The following CCDC146 variants were observed in gnomAD, a reference collection of about 807,000 sequenced individuals.
The protein encoded by CCDC146 is coiled-coil domain containing 146, also known as coiled-coil domain-containing protein 146.
CCDC146 carries 92 observed loss-of-function variants against 119.3 expected under a neutral mutation model. The observed-to-expected ratio is 0.77, with a 90% CI of 0.65 to 0.92. The LOEUF (loss-of-function observed/expected upper bound fraction) is 0.92, where lower values mean the gene tolerates loss of function less well. CCDC146 is among the 40% of genes least tolerant of loss of function. CCDC146 has a pLI of 0.00. For synonymous variants in CCDC146, 372 were observed against 371.8 expected (o/e 1.00, Z -0.01); for missense variants, 1,000 against 1,103.0 (o/e 0.91, Z 1.32).
rs766589822 is a variant in CCDC146, at chr7:77,285,356, T to C, written c.2149-1442T>C. ...AATACAACAAATGCTTGATTACATA[T>C]GTATGTACACTTCAATTCTATATTA... On this transcript the variant is annotated intron_variant, in intron 15 of 18. Coordinates refer to ENST00000285871, the MANE Select transcript of CCDC146 (RefSeq NM_020879.3). 6.3e-4 allele frequency among the ~76,000 whole-genome samples: 96 copies of C among 152,364 alleles called. 1 individual carries two copies. Among genetic ancestry groups the C allele is most frequent in the East Asian group, 3.9e-4 (2 of 5,190 alleles).
intron 2 of CCDC146, 90 bp from the exon 3 acceptor site, chr7:77,236,857 A>G (rs2150482741): frequency 6.3e-6 from 6 of 954,794 alleles, no homozygotes; most frequent in Non-Finnish European, 9.9e-6. Context: ...TTAATGGAGG[A>G]TTTTATAAGA....
chr7:77,140,251 C>T (rs1026098569), intron 1 of CCDC146, among the ~76,000 whole-genome samples: 10 of 151,954 alleles, frequency 6.6e-5, no homozygotes, highest in Non-Finnish European at 1.5e-4. Flanking sequence ...ATCTTAAAGT[C>T]ACTTACAATA....
At chr7:77,195,506 T>G (rs1035323650) in intron 2 of CCDC146, 2 of 152,194 alleles carry the variant, frequency 1.3e-5, no homozygotes. Context: ...AGGGTTGTTC[T>G]GTTGCAAAGT....
intron 2 of CCDC146, among the ~76,000 whole-genome samples, chr7:77,187,704 G>A (rs1256327645): frequency 6.6e-6 from 1 of 152,180 alleles, no homozygotes; most frequent in East Asian, 1.9e-4. Context: ...AGAATACAGT[G>A]CACCAGGGAG....
At chr7:77,183,856 T>C (rs1791625092) in intron 2 of CCDC146, among the ~76,000 whole-genome samples, 1 of 152,256 alleles carries the variant, frequency 6.6e-6, no homozygotes, top group Non-Finnish European at 1.5e-5. Context: ...CTCACTGTTT[T>C]GCATATAGTT....
chr7:77,228,517 C>T (rs1416655603), intron 2 of CCDC146, among the ~76,000 whole-genome samples: 1 of 152,198 alleles, frequency 6.6e-6, no homozygotes. Context: ...GCATAGTGTT[C>T]CATGGTGTAT....
At position 77,272,455 on chromosome 7, in the gene CCDC146, T is replaced by C. The variant is rs756126333; in HGVS notation, c.1174-1239T>C. ...AGCAGCATGATCCTCAAAAAGATCCTGTTAAGTAACCTTCAAATCACTAGA... is the reference window on the plus strand; with the variant it reads ...AGCAGCATGATCCTCAAAAAGATCCCGTTAAGTAACCTTCAAATCACTAGA... On this transcript the variant is annotated intron_variant, in intron 9 of 18. Coordinates refer to ENST00000285871, the MANE Select transcript of CCDC146 (RefSeq NM_020879.3). Among the ~76,000 whole-genome samples, 8 of 152,354 alleles carry C rather than the reference T, an allele frequency of 5.3e-5. No individual in the cohort carries two copies. The East Asian group carries it at 1.3e-3, about 26-fold the overall frequency.
At chr7:77,274,809 A>G (rs1351563765) in intron 11 of CCDC146, among the ~76,000 whole-genome samples, 157 bp downstream of exon 11, 4 of 152,184 alleles carry the variant, frequency 2.6e-5, no homozygotes, top group Admixed American at 2.6e-4. Context: ...GTTCTCACTC[A>G]TAGATGGGAA....
At chr7:77,212,249 T>C (rs2150450149) in intron 2 of CCDC146, among the ~76,000 whole-genome samples, 1 of 152,252 alleles carries the variant, frequency 6.6e-6, no homozygotes, top group South Asian at 2.1e-4. Context: ...ATAAGTTCAA[T>C]ACATATTGAA....
At chr7:77,195,700 A>G (rs1031796957) in intron 2 of CCDC146, 4 of 152,232 alleles carry the variant, frequency 2.6e-5, no homozygotes, top group African/African-American at 9.7e-5. Context: ...TCTGTCACCC[A>G]TGCTGGAGTG....
chr7:77,201,004 A>G (rs1205389881), intron 2 of CCDC146, among the ~76,000 whole-genome samples: 4 of 152,146 alleles, frequency 2.6e-5, no homozygotes, highest in South Asian at 4.1e-4. Flanking sequence ...CTGATTTCCT[A>G]TGACTTTTCT....
chr7:77,216,237 G>C (rs1205208606), intron 2 of CCDC146, among the ~76,000 whole-genome samples: 1 of 151,972 alleles, frequency 6.6e-6, no homozygotes, highest in Non-Finnish European at 1.5e-5. Flanking sequence ...AGTGAAATTA[G>C]CTTCTTCCCC....
In CCDC146 at chr7:77,293,151, T is replaced by C. The variant is rs1456749290; in HGVS notation, c.2615T>C (p.Val872Ala). ...NKEIEKEWLK[V>A]LRDEEMHALA... ...GAAATTGAGAAAGAATGGTTGAAAGTCCTTCGAGATGAAGAAATGCACGCC... is the reference window on the plus strand; with the variant it reads ...GAAATTGAGAAAGAATGGTTGAAAGCCCTTCGAGATGAAGAAATGCACGCC... The change falls in exon 18 of 19, where the codon GTC (valine) becomes GCC (alanine). Residue 872 changes from valine (V) to alanine (A), a missense_variant. Val to Ala is a moderately conservative substitution (Grantham distance 64). Around this residue, in one of 2 missense-constraint regions of CCDC146, gnomAD observed 985 missense variants for 1,045.3 expected, o/e 0.94. Coordinates refer to ENST00000285871, the MANE Select transcript of CCDC146 (RefSeq NM_020879.3). 6.2e-7 allele frequency: 1 copy of C among 1,614,018 alleles called. No homozygotes were observed. Among genetic ancestry groups the C allele is most frequent in the Non-Finnish European group, 8.5e-7 (1 of 1,180,020 alleles).
rs543115246 is a variant in CCDC146 at position 77,293,391 on chromosome 7, C to T, written c.2664+191C>T. Among the ~76,000 whole-genome samples, 18 of 152,322 alleles carry T rather than the reference C, an allele frequency of 1.2e-4. No homozygotes were observed. In the South Asian group the frequency reaches 3.7e-3, roughly 32 times the overall value. On this transcript the variant is annotated intron_variant, in intron 18 of 18. Coordinates refer to ENST00000285871, the MANE Select transcript of CCDC146 (RefSeq NM_020879.3). ...CAGTAATCCAGAGTGCTACAATACT[C>T]ACTGAAGAACACTTAGCAAGCACAG...
At chr7:77,292,676 G>T (rs1793971736) in intron 17 of CCDC146, among the ~76,000 whole-genome samples, 1 of 151,042 alleles carries the variant, frequency 6.6e-6, no homozygotes, top group South Asian at 2.1e-4. Context: ...TTAAAAATGG[G>T]CACTAAACTG....
chr7:77,199,199 GT>G, intron 2 of CCDC146: 1 of 1,613,684 alleles, frequency 6.2e-7, no homozygotes. Flanking sequence ...GACTGTATTT[GT>G]TCTTGGCTGG....
At chr7:77,241,936 CTT>C (rs1393941315) in intron 4 of CCDC146, 36 bp downstream of exon 4, 4 of 1,507,790 alleles carry the variant, frequency 2.7e-6, no homozygotes, top group African/African-American at 1.4e-5. Flanking sequence ...ACTGAAAAGT[CTT>C]TTCCTCATAA....
chr7:77,188,289 C>A (rs1274839624), intron 2 of CCDC146, among the ~76,000 whole-genome samples: 1 of 152,042 alleles, frequency 6.6e-6, no homozygotes, highest in Non-Finnish European at 1.5e-5. Context: ...ATCAAAATAT[C>A]TCATGTAGCG....
intron 16 of CCDC146, 93 bp from the exon 17 acceptor site, chr7:77,287,347 G>A (rs1793866138): frequency 1.5e-6 from 2 of 1,319,214 alleles, no homozygotes; most frequent in South Asian, 2.6e-5. Context: ...GTATTTTGTG[G>A]GGGGTAGGGG....
Sources: gnomAD v4.1 joint callset for allele counts (sites outside exome capture counted in the v4.1 genomes callset) on GRCh38, gnomAD v4.1.1 for gene constraint, gnomAD v4.1.1 regional missense constraint, MANE v1.5 for transcripts, NCBI Gene and HGNC (gene_info 2026-07-23, HGNC 2026-07-21) for gene names.